The following SPOCK3 variants were observed in gnomAD, a reference collection of about 807,000 sequenced individuals.
SPOCK3 encodes testican-3.
A neutral mutation model predicts 56.6 loss-of-function variants in SPOCK3; 30 were observed. The ratio of observed to expected loss-of-function variants is 0.53; its 90% CI spans 0.40 to 0.72. The LOEUF (loss-of-function observed/expected upper bound fraction) is 0.72, where lower values mean the gene tolerates loss of function less well. Among genes scored for constraint, SPOCK3 ranks in the 30% least tolerant of loss-of-function variants. SPOCK3 has a pLI of 0.00. For synonymous variants in SPOCK3, 196 were observed against 183.3 expected (o/e 1.07, Z -0.56); for missense variants, 527 against 530.0 (o/e 0.99, Z 0.06).
intron 5 of SPOCK3, among the ~76,000 whole-genome samples, chr4:166,891,463 C>A (rs1006998290): frequency 1.3e-5 from 2 of 151,838 alleles, no homozygotes; most frequent in Non-Finnish European, 2.9e-5. Flanking sequence ...ACGAGCCCTG[C>A]AACAAATGAT....
At chr4:167,004,984 A>G (rs898854255) in intron 3 of SPOCK3, among the ~76,000 whole-genome samples, 51 of 152,160 alleles carry the variant, frequency 3.4e-4, no homozygotes, top group African/African-American at 1.2e-3. Context: ...GTCATCTCAA[A>G]GAATGTACGT....
At chr4:167,183,337 A>G (rs1357101422) in intron 2 of SPOCK3, among the ~76,000 whole-genome samples, 1 of 152,190 alleles carries the variant, frequency 6.6e-6, no homozygotes, top group African/African-American at 2.4e-5. Flanking sequence ...TTTCCAAAAT[A>G]TCTTTTACAC....
intron 2 of SPOCK3, among the ~76,000 whole-genome samples, chr4:167,181,340 T>G (rs2110756207): frequency 6.6e-6 from 1 of 152,226 alleles, no homozygotes; most frequent in South Asian, 2.1e-4. Context: ...TCAAAATATA[T>G]CTCCAGTCCG....
chr4:166,979,319 C>A (rs1389705623), intron 4 of SPOCK3, among the ~76,000 whole-genome samples: 2 of 152,132 alleles, frequency 1.3e-5, no homozygotes, highest in Non-Finnish European at 2.9e-5. Context: ...TCTTGCTTTA[C>A]TGAACTCCCC....
At chr4:167,139,641 T>C (rs964587528) in intron 2 of SPOCK3, among the ~76,000 whole-genome samples, 6 of 152,058 alleles carry the variant, frequency 3.9e-5, no homozygotes, top group Non-Finnish European at 8.8e-5. Context: ...AACAAAATGA[T>C]TGAGTTTTGT....
intron 2 of SPOCK3, among the ~76,000 whole-genome samples, chr4:167,202,695 A>G (rs1034941321): frequency 4.6e-5 from 7 of 152,056 alleles, no homozygotes; most frequent in African/African-American, 1.2e-4. Context: ...CACCCATGAA[A>G]TAAGGATCTC....
intron 4 of SPOCK3, among the ~76,000 whole-genome samples, chr4:166,925,208 A>G (rs1486710068): frequency 2.0e-5 from 3 of 152,226 alleles, no homozygotes; most frequent in African/African-American, 4.8e-5. Context: ...TGAATTTCAT[A>G]TAATGTAATG....
chr4:167,203,631 G>A (rs1006057639), intron 2 of SPOCK3, among the ~76,000 whole-genome samples: 4 of 151,634 alleles, frequency 2.6e-5, no homozygotes, highest in African/African-American at 4.8e-5. Context: ...GTGGCTTTCT[G>A]GGAATGTAAT....
chr4:166,986,450 G>T (rs1747179971), intron 4 of SPOCK3, among the ~76,000 whole-genome samples: 1 of 152,120 alleles, frequency 6.6e-6, no homozygotes, highest in Non-Finnish European at 1.5e-5. Flanking sequence ...CACACAGATT[G>T]CCTTGTCACG....
intron 8 of SPOCK3, among the ~76,000 whole-genome samples, chr4:166,748,577 C>A (rs1415471692): frequency 1.5e-5 from 2 of 136,364 alleles, no homozygotes; most frequent in East Asian, 3.9e-4. Context: ...TAGGCATGGG[C>A]AAAGACTTCA....
chr4:167,040,038 C>T (rs745446504), intron 3 of SPOCK3, among the ~76,000 whole-genome samples: 9 of 152,196 alleles, frequency 5.9e-5, no homozygotes, highest in Non-Finnish European at 1.3e-4. Context: ...AAAGCCCACA[C>T]TCAAGTCTAG....
At chr4:166,745,594 A>G (rs1481427231) in intron 8 of SPOCK3, among the ~76,000 whole-genome samples, 7 of 152,178 alleles carry the variant, frequency 4.6e-5, no homozygotes, top group Non-Finnish European at 1.0e-4. Context: ...TAGGCAAAAT[A>G]AGCAGCTAAC....
chr4:166,794,040 G>A (rs1741631908), intron 6 of SPOCK3, among the ~76,000 whole-genome samples: 1 of 151,860 alleles, frequency 6.6e-6, no homozygotes, highest in Admixed American at 6.6e-5. Flanking sequence ...TCTGTGCCCA[G>A]TGCAGAGCAA....
intron 2 of SPOCK3, among the ~76,000 whole-genome samples, chr4:167,192,071 A>C (rs1488189071): frequency 6.9e-6 from 1 of 145,862 alleles, no homozygotes; most frequent in Non-Finnish European, 1.5e-5. Context: ...TGTTAATGTC[A>C]TATATCACAC....
chr4:166,749,519 G>A (rs1260039301), intron 8 of SPOCK3, among the ~76,000 whole-genome samples: 1 of 151,930 alleles, frequency 6.6e-6, no homozygotes, highest in Non-Finnish European at 1.5e-5. Flanking sequence ...GATAGCATTA[G>A]GAGAAATACC....
At chr4:167,014,718 TC>T (rs1282158265) in intron 3 of SPOCK3, among the ~76,000 whole-genome samples, 1 of 151,880 alleles carries the variant, frequency 6.6e-6, no homozygotes, top group Non-Finnish European at 1.5e-5. Context: ...GAAAGCTGTG[TC>T]AAACATTGCT....
chr4:167,013,520 A>G (rs1471798793), intron 3 of SPOCK3, among the ~76,000 whole-genome samples: 13 of 151,008 alleles, frequency 8.6e-5, no homozygotes, highest in Admixed American at 8.6e-4. Flanking sequence ...AAATAATATT[A>G]TTTATAAAAC....
intron 6 of SPOCK3, among the ~76,000 whole-genome samples, chr4:166,800,358 T>C (rs911281973): frequency 5.9e-5 from 9 of 151,936 alleles, no homozygotes; most frequent in Non-Finnish European, 1.5e-5. Context: ...TGACACCTCC[T>C]CAAGAAAAGC....
intron 7 of SPOCK3, among the ~76,000 whole-genome samples, chr4:166,763,982 C>CA (rs1256652436): frequency 6.6e-6 from 1 of 151,946 alleles, no homozygotes; most frequent in African/African-American, 2.4e-5. Context: ...TTTCTTTTTT[C>CA]AGCGGGGTTG....
Sources: gnomAD v4.1 joint callset for allele counts (sites outside exome capture counted in the v4.1 genomes callset) on GRCh38, gnomAD v4.1.1 for gene constraint, MANE v1.5 for transcripts, NCBI Gene and HGNC (gene_info 2026-07-23, HGNC 2026-07-21) for gene names.